PCDHA1: variants seen among roughly 807,000 people sequenced by gnomAD.
PCDHA1 encodes the protein protocadherin alpha 1.
Under a neutral mutation model 61.3 loss-of-function variants are expected in PCDHA1, and 42 were observed. The observed-to-expected ratio is 0.69, with a 90% CI of 0.54 to 0.89. The LOEUF (loss-of-function observed/expected upper bound fraction) is 0.89, where lower values mean the gene tolerates loss of function less well. Among genes scored for constraint, PCDHA1 ranks in the 40% least tolerant of loss-of-function variants. PCDHA1 has a pLI of 0.00. For missense variants in PCDHA1, 1,256 were observed against 1,235.3 expected, an observed-to-expected ratio of 1.02 and a Z score of -0.25; for synonymous variants, 610 against 553.8, an observed-to-expected ratio of 1.10 and a Z score of -1.43.
At position 140,854,641 on chromosome 5, in the gene PCDHA1, C is replaced by T. The variant is rs1258483318; in HGVS notation, c.2394+65957C>T. The T allele has an allele frequency of 1.3e-5, 2 of 149,894 alleles. 1 individual carries two copies. Among genetic ancestry groups the T allele is most frequent in the Non-Finnish European group, 3.0e-5 (2 of 67,066 alleles). The allele number at this position is 149,894 out of a possible 1,614,324, so 9.3% of individuals were successfully genotyped here. A position where few individuals can be genotyped will look rare whatever the true frequency, so the allele number is the denominator to read the frequency against. ...ATATTCTTTAGAAAAGTCAAAACAT[C>T]ATTAAATAAAATAAATTAACCCTTG... is the stretch of plus-strand genomic sequence containing the variant. On this transcript the variant is annotated intron_variant, in intron 1 of 3. Transcript: ENST00000504120.
Position 141,012,283 on chromosome 5 carries a change from AT to A in PCDHA1, c.*2350del, listed in dbSNP as rs1313163740. 6.5e-6 allele frequency: 1 copy of A among 153,798 alleles called. No homozygotes were observed. Among genetic ancestry groups the A allele is most frequent in the Non-Finnish European group, 1.5e-5 (1 of 68,046 alleles). The allele number at this position is 153,798 out of a possible 1,614,324, so 9.5% of individuals were successfully genotyped here. ...AGGATAAAACACGTCATGTGGATTC[AT>A]TTTGAATTGGTGCTATTGGTATTTC... On this transcript the variant is annotated 3_prime_UTR_variant, in exon 4 of 4. Coordinates refer to ENST00000504120, the MANE Select transcript of PCDHA1 (RefSeq NM_018900.4).
chr5:140,883,378 C>A, intron 1 of PCDHA1: 1 of 1,614,146 alleles, frequency 6.2e-7, no homozygotes. Context: ...CCATTATTGC[C>A]CTAATCAGTG....
chr5:140,803,252 C>T (rs1554122674), intron 1 of PCDHA1: 8 of 1,613,866 alleles, frequency 5.0e-6, no homozygotes, highest in Non-Finnish European at 6.8e-6. Context: ...CGTCCGCTGG[C>T]GCCACGGGCC....
intron 1 of PCDHA1, among the ~76,000 whole-genome samples, chr5:140,906,616 T>G (rs1339811951): frequency 6.6e-6 from 1 of 152,228 alleles, no homozygotes. Flanking sequence ...GTATTCCCTT[T>G]GCCTTCAGCA....
intron 1 of PCDHA1, among the ~76,000 whole-genome samples, chr5:140,800,826 G>C (rs1267371485): frequency 6.6e-6 from 1 of 152,162 alleles, no homozygotes; most frequent in African/African-American, 2.4e-5. Context: ...TCATGAATTA[G>C]CACAATTGAT....
intron 1 of PCDHA1, among the ~76,000 whole-genome samples, chr5:140,960,222 A>G (rs1364451029): frequency 2.6e-5 from 4 of 152,206 alleles, no homozygotes; most frequent in African/African-American, 9.6e-5. Flanking sequence ...ATCTCAAGAA[A>G]CAGAGCCATG....
chr5:140,788,873 T>C (rs1554118340), intron 1 of PCDHA1, 189 bp downstream of exon 1: 2 of 1,331,300 alleles, frequency 1.5e-6, no homozygotes, highest in African/African-American at 1.5e-5. Flanking sequence ...CAAAGAAAAA[T>C]GTAGGGACAA....
intron 1 of PCDHA1, chr5:140,807,223 G>T: frequency 6.2e-7 from 1 of 1,614,082 alleles, no homozygotes; most frequent in Non-Finnish European, 8.5e-7. Flanking sequence ...AGGAATCCCG[G>T]CGTCTGCTGC....
chr5:140,866,385 A>G (rs1211864168), intron 1 of PCDHA1: 3 of 152,140 alleles, frequency 2.0e-5, no homozygotes, highest in Non-Finnish European at 2.9e-5. Flanking sequence ...ACAATTTTAA[A>G]GACATAGATT....
intron 1 of PCDHA1, among the ~76,000 whole-genome samples, chr5:140,918,864 A>T (rs1225688566): frequency 6.6e-6 from 1 of 152,180 alleles, no homozygotes; most frequent in Non-Finnish European, 1.5e-5. Flanking sequence ...TGAATCATGA[A>T]CTTTCAAGCC....
Position 140,788,314 on chromosome 5 carries a change from C to A in PCDHA1, c.2024C>A (p.Ala675Glu). Residue 675 changes from alanine (A) to glutamate (E), a missense_variant, in exon 1 of 4, where the codon GCG (alanine) becomes GAG (glutamate). Ala to Glu is a moderately radical substitution (Grantham distance 107, BLOSUM62 -1). Coordinates refer to ENST00000504120, the MANE Select transcript of PCDHA1 (RefSeq NM_018900.4). ...GTATCTCTGGTGGAGAGCGGCCAGG[C>A]GCCAAAGGCGTCTTCGCGGGCGTCG... ...VLVSLVESGQ[A>E]PKASSRASVG... is the part of the protein sequence containing the mutation. 6.2e-7 allele frequency: 1 copy of A among 1,613,948 alleles called. No homozygotes were observed. The highest frequency in any genetic ancestry group is 8.5e-7 in the Non-Finnish European group (1 of 1,179,934).
chr5:140,803,392 G>T, intron 1 of PCDHA1: 1 of 1,614,246 alleles, frequency 6.2e-7, no homozygotes, highest in Non-Finnish European at 8.5e-7. Context: ...GAAGGCGACT[G>T]TGGGCCGGGC....
chr5:140,836,596 C>G, intron 1 of PCDHA1: 1 of 1,613,764 alleles, frequency 6.2e-7, no homozygotes, highest in South Asian at 1.1e-5. Context: ...GTAAAGCCCA[C>G]TCTGGTGTGC....
In PCDHA1 at chr5:140,787,750, A is replaced by G. The variant is rs939885436; in HGVS notation, c.1460A>G (p.Asn487Ser). The G allele has an allele frequency of 6.2e-7, 1 of 1,613,352 alleles. No individual in the cohort carries two copies. Among genetic ancestry groups the G allele is most frequent in the Non-Finnish European group, 8.5e-7 (1 of 1,179,828 alleles). The change falls in exon 1 of 4, where the codon AAC (asparagine) becomes AGC (serine). Residue 487 changes from asparagine (N) to serine (S), a missense_variant. Physicochemically the swap from Asn to Ser is conservative, Grantham distance 46. Coordinates refer to ENST00000504120, the MANE Select transcript of PCDHA1 (RefSeq NM_018900.4). Reference sequence around the variant, plus strand: ...GCGCGGGACGCGGACGCGCAGGAGAACGCGCTGGTGTCCTATTCGCTGGTG... The same window carrying G: ...GCGCGGGACGCGGACGCGCAGGAGAGCGCGCTGGTGTCCTATTCGCTGGTG... ...VSARDADAQE[N>S]ALVSYSLVER...
intron 1 of PCDHA1, among the ~76,000 whole-genome samples, chr5:140,941,284 TTCTCTTTC>T (rs1330714341): frequency 4.0e-5 from 5 of 124,574 alleles, no homozygotes; most frequent in African/African-American, 1.4e-4. Context: ...CTTCCTTCCT[TTCTCTTTC>T]TTTCTTTCTT....
Position 140,871,058 on chromosome 5 carries a change from A to C in PCDHA1, c.2394+82374A>C, listed in dbSNP as rs1179361194. Reference sequence around the variant, plus strand: ...CACCGACTTCTAGTACTGGTGAAGGATCACGGTGAGCCGGCGCTGACGGCC... The same window carrying C: ...CACCGACTTCTAGTACTGGTGAAGGCTCACGGTGAGCCGGCGCTGACGGCC... On this transcript the variant is annotated intron_variant, in intron 1 of 3. Transcript: ENST00000504120. 8 of 1,613,140 alleles carry C rather than the reference A, an allele frequency of 5.0e-6. No homozygotes were observed. The African/African-American group carries it at 6.7e-5, about 13-fold the overall frequency.
At chr5:140,877,738 C>G (rs539793128) in intron 1 of PCDHA1, 1 of 1,614,164 alleles carries the variant, frequency 6.2e-7, no homozygotes, top group African/African-American at 1.3e-5. Flanking sequence ...GCAGAGGAGG[C>G]AGAGGGTGTG....
chr5:140,907,789 G>A (rs187759241), intron 1 of PCDHA1, among the ~76,000 whole-genome samples: 1 of 152,330 alleles, frequency 6.6e-6, no homozygotes, highest in Non-Finnish European at 1.5e-5. Flanking sequence ...GCTGGGGAAA[G>A]AGGCTAAGTG....
chr5:140,809,476 C>A (rs781791208), intron 1 of PCDHA1: 2 of 1,614,220 alleles, frequency 1.2e-6, no homozygotes, highest in Non-Finnish European at 1.7e-6. Flanking sequence ...CTGGTGAGGG[C>A]CCACCCAAGA....
Sources: gnomAD v4.1 joint callset for allele counts (sites outside exome capture counted in the v4.1 genomes callset) on GRCh38, gnomAD v4.1.1 for gene constraint, MANE v1.5 for transcripts, NCBI Gene and HGNC (gene_info 2026-07-23, HGNC 2026-07-21) for gene names.